Variants in ASIC2 observed in about 807,000 individuals in gnomAD.
ASIC2 encodes the protein acid-sensing ion channel 2.
A neutral mutation model predicts 57.3 loss-of-function variants in ASIC2; 25 were observed. The ratio of observed to expected loss-of-function variants is 0.44; its 90% CI spans 0.32 to 0.61. ASIC2 has a LOEUF of 0.61. ASIC2 is among the 20% of genes least tolerant of loss of function. The pLI, the probability that ASIC2 is intolerant of heterozygous loss-of-function variation, is 0.06. For synonymous variants in ASIC2, 319 were observed against 307.5 expected (o/e 1.04, Z -0.39); for missense variants, 641 against 738.1 (o/e 0.87, Z 1.52).
chr17:33,339,309 C>T (rs1907639936), intron 1 of ASIC2, among the ~76,000 whole-genome samples: 1 of 152,134 alleles, frequency 6.6e-6, no homozygotes, highest in Admixed American at 6.5e-5. Flanking sequence ...CTGGGGGCAG[C>T]AAACTTTTCA....
chr17:33,288,742 A>ACC (rs1024195053), intron 1 of ASIC2, among the ~76,000 whole-genome samples: 2 of 151,700 alleles, frequency 1.3e-5, no homozygotes. Context: ...ACACACACAC[A>ACC]CACACACACA....
intron 2 of ASIC2, among the ~76,000 whole-genome samples, chr17:33,107,922 G>T (rs1037522780): frequency 1.3e-5 from 2 of 152,204 alleles, no homozygotes; most frequent in Admixed American, 6.5e-5. Context: ...GGGAGTTCCA[G>T]ATGTTGAGGT....
chr17:34,101,092 G>A (rs982957186), intron 1 of ASIC2, among the ~76,000 whole-genome samples: 1 of 152,160 alleles, frequency 6.6e-6, no homozygotes, highest in Non-Finnish European at 1.5e-5. Context: ...ATTCACATCA[G>A]CTCTTGTTAC....
At chr17:33,919,390 A>G (rs1006467177) in intron 1 of ASIC2, among the ~76,000 whole-genome samples, 1 of 152,260 alleles carries the variant, frequency 6.6e-6, no homozygotes, top group Non-Finnish European at 1.5e-5. Flanking sequence ...GATCTTTGAC[A>G]AAGTCAACAC....
chr17:33,719,049 C>T (rs1909306383), intron 1 of ASIC2, among the ~76,000 whole-genome samples: 1 of 152,152 alleles, frequency 6.6e-6, no homozygotes. Context: ...GCCTTGACTC[C>T]CTGGCTGCCC....
intron 1 of ASIC2, among the ~76,000 whole-genome samples, chr17:33,961,249 G>T (rs1162195001): frequency 6.6e-6 from 1 of 152,216 alleles, no homozygotes; most frequent in African/African-American, 2.4e-5. Context: ...GGAATGTGCA[G>T]CTATTGGCAG....
intron 1 of ASIC2, among the ~76,000 whole-genome samples, chr17:33,961,657 AGGT>A (rs1904925415): frequency 1.3e-5 from 2 of 152,324 alleles, no homozygotes; most frequent in South Asian, 4.1e-4. Context: ...TTGCCTTCTC[AGGT>A]GATGATTGCT....
At chr17:33,749,403 G>A (rs923737900) in intron 1 of ASIC2, among the ~76,000 whole-genome samples, 1 of 151,926 alleles carries the variant, frequency 6.6e-6, no homozygotes, top group African/African-American at 2.4e-5. Context: ...GAGTGCAGGT[G>A]GGGGCTCCTC....
At chr17:34,147,411 C>T (rs141663302) in intron 1 of ASIC2, among the ~76,000 whole-genome samples, 2 of 152,168 alleles carry the variant, frequency 1.3e-5, no homozygotes, top group Non-Finnish European at 2.9e-5. Flanking sequence ...ATATCGAAAT[C>T]AGAAGAAAAT....
At chr17:33,850,119 T>C (rs365728) in intron 1 of ASIC2, among the ~76,000 whole-genome samples, 1 of 151,904 alleles carries the variant, frequency 6.6e-6, no homozygotes, top group Non-Finnish European at 1.5e-5. Context: ...ATTACTGTTC[T>C]CTTCAGGTGC....
At chr17:33,109,238 A>G (rs1448563920) in intron 2 of ASIC2, among the ~76,000 whole-genome samples, 1 of 152,238 alleles carries the variant, frequency 6.6e-6, no homozygotes, top group Non-Finnish European at 1.5e-5. Flanking sequence ...CCCAAAATCT[A>G]TTGAAATTAT....
chr17:33,636,879 CCACA>C (rs765523479), intron 1 of ASIC2, among the ~76,000 whole-genome samples: 30 of 149,868 alleles, frequency 2.0e-4, no homozygotes, highest in Admixed American at 1.9e-3. Context: ...GCACACACAC[CCACA>C]CACACACACA....
At chr17:33,401,840 G>A (rs1910296895) in intron 1 of ASIC2, among the ~76,000 whole-genome samples, 1 of 152,186 alleles carries the variant, frequency 6.6e-6, no homozygotes, top group South Asian at 2.1e-4. Flanking sequence ...GTGAGGATGG[G>A]AGAAAATGAA....
chr17:33,426,379 T>C (rs1261920758), intron 1 of ASIC2, among the ~76,000 whole-genome samples: 2 of 152,246 alleles, frequency 1.3e-5, no homozygotes. Flanking sequence ...GGTTACTCTA[T>C]AAGAGCCCTC....
chr17:33,493,217 G>A (rs72823224), intron 1 of ASIC2, among the ~76,000 whole-genome samples: 6,657 of 152,256 alleles, frequency 0.044, 185 homozygotes, highest in Middle Eastern at 0.099. Flanking sequence ...CCGAAGGCTG[G>A]GCTTAGTCTT....
intron 1 of ASIC2, among the ~76,000 whole-genome samples, chr17:33,716,525 A>T (rs1909223937): frequency 1.3e-5 from 2 of 152,190 alleles, no homozygotes; most frequent in African/African-American, 4.8e-5. Context: ...TTAATTACTT[A>T]TCGTTGGACT....
At chr17:33,855,610 T>C (rs146098540) in intron 1 of ASIC2, among the ~76,000 whole-genome samples, 2 of 152,194 alleles carry the variant, frequency 1.3e-5, no homozygotes, top group East Asian at 3.9e-4. Flanking sequence ...CCTAGGGGCT[T>C]GACTGGACTG....
intron 1 of ASIC2, among the ~76,000 whole-genome samples, chr17:33,602,324 A>C (rs1905132372): frequency 6.6e-6 from 1 of 152,178 alleles, no homozygotes; most frequent in African/African-American, 2.4e-5. Context: ...GGGACTTTTA[A>C]GAGGTGCTTA....
chr17:33,506,319 C>T (rs548254240), intron 1 of ASIC2, among the ~76,000 whole-genome samples: 5 of 150,426 alleles, frequency 3.3e-5, no homozygotes, highest in East Asian at 2.0e-4. Context: ...AGGCTGAGGC[C>T]GGCGAATGGT....
Sources: gnomAD v4.1 joint callset for allele counts (sites outside exome capture counted in the v4.1 genomes callset) on GRCh38, gnomAD v4.1.1 for gene constraint, MANE v1.5 for transcripts, NCBI Gene and HGNC (gene_info 2026-07-23, HGNC 2026-07-21) for gene names.